CACNA1C: variants seen among roughly 807,000 people sequenced by gnomAD.
CACNA1C encodes calcium voltage-gated channel subunit alpha1 C, also known as voltage-dependent L-type calcium channel subunit alpha-1C.
In CACNA1C, 30 loss-of-function variants were observed where a neutral mutation model predicts 229.0. That is an observed-to-expected ratio of 0.13 (90% CI 0.10 to 0.18). The LOEUF (loss-of-function observed/expected upper bound fraction) is 0.18. CACNA1C is among the 10% of genes least tolerant of loss of function. The probability of loss-of-function intolerance (pLI) is 1.00; values close to 1 mark genes in which losing one functional copy is unlikely to be tolerated. For synonymous variants in CACNA1C, 1,114 were observed against 1,132.5 expected (o/e 0.98, Z 0.33); for missense variants, 1,658 against 2,845.0 (o/e 0.58, Z 9.49).
chr12:2,363,171 C>G (rs1399073517), intron 3 of CACNA1C, among the ~76,000 whole-genome samples: 2 of 152,128 alleles, frequency 1.3e-5, no homozygotes, highest in African/African-American at 4.8e-5. Flanking sequence ...CAGTTGTGCC[C>G]TTTCCCTGGC....
intron 45 of CACNA1C, among the ~76,000 whole-genome samples, chr12:2,688,094 C>A (rs941351566): frequency 4.6e-5 from 7 of 152,184 alleles, no homozygotes; most frequent in Admixed American, 3.9e-4. Flanking sequence ...CAGGCCTCAC[C>A]CTGCTCTCCA....
At chr12:2,337,306 T>G (rs1451359126) in intron 3 of CACNA1C, among the ~76,000 whole-genome samples, 2 of 152,190 alleles carry the variant, frequency 1.3e-5, no homozygotes, top group Admixed American at 6.5e-5. Flanking sequence ...GACCATTGTT[T>G]CTGGCCGTAT....
intron 3 of CACNA1C, among the ~76,000 whole-genome samples, chr12:2,286,005 A>C (rs1665390828): frequency 6.6e-6 from 1 of 152,164 alleles, no homozygotes; most frequent in Non-Finnish European, 1.5e-5. Flanking sequence ...CTCTAACTAA[A>C]AATGAAGGTC....
chr12:1,997,742 G>A (rs141282848), intron 1 of CACNA1C, among the ~76,000 whole-genome samples: 4,160 of 152,236 alleles, frequency 0.027, 94 homozygotes, highest in Middle Eastern at 0.054. Context: ...TCTGAAATTA[G>A]TATTCATCAC....
intron 37 of CACNA1C, 155 bp from the exon 38 acceptor site, chr12:2,668,778 T>C: frequency 1.6e-6 from 1 of 627,680 alleles, no homozygotes; most frequent in Non-Finnish European, 2.9e-6. Context: ...TGCAATCACC[T>C]TCCATCAGGC....
At chr12:2,430,523 C>T (rs1046491616) in intron 3 of CACNA1C, among the ~76,000 whole-genome samples, 1 of 152,128 alleles carries the variant, frequency 6.6e-6, no homozygotes, top group Admixed American at 6.5e-5. Flanking sequence ...CTCACACTTG[C>T]CTTGAGTTTG....
intron 3 of CACNA1C, among the ~76,000 whole-genome samples, chr12:2,281,412 T>A (rs532339659): frequency 1.2e-3 from 176 of 152,358 alleles, no homozygotes; most frequent in African/African-American, 4.1e-3. Flanking sequence ...TATCTCATAT[T>A]ATTTTCCTTC....
rs564324902 is a variant in CACNA1C, at chr12:2,271,441, G to A, written c.477+151011G>A. On this transcript the variant is annotated intron_variant, in intron 3 of 46. Coordinates refer to ENST00000399655, the MANE Select transcript of CACNA1C (RefSeq NM_000719.7). ...TTCTGAGTACCTCCAAAGGCTGTTC[G>A]CTCTTTCCATTCCAGCTCAGACTGC... 7.2e-5 allele frequency among the ~76,000 whole-genome samples: 11 copies of A among 152,312 alleles called. No individual in the cohort carries two copies. The South Asian group carries it at 1.5e-3, about 20-fold the overall frequency.
At chr12:2,213,400 G>T (rs546335748) in intron 3 of CACNA1C, among the ~76,000 whole-genome samples, 31 of 152,224 alleles carry the variant, frequency 2.0e-4, no homozygotes, top group African/African-American at 7.5e-4. Context: ...TTCCCCTTCT[G>T]TGCAGGGCCC....
chr12:2,461,269 G>T (rs1006649288), intron 5 of CACNA1C, among the ~76,000 whole-genome samples: 1 of 152,206 alleles, frequency 6.6e-6, no homozygotes, highest in Non-Finnish European at 1.5e-5. Context: ...GGATACAGCT[G>T]ATCGCTCCTT....
chr12:2,106,823 C>T (rs181496691), intron 1 of CACNA1C, among the ~76,000 whole-genome samples: 46 of 106,800 alleles, frequency 4.3e-4, no homozygotes, highest in Non-Finnish European at 6.1e-4. Context: ...GGGTTTCCAC[C>T]TCAGCTGGGC....
Position 2,679,356 on chromosome 12 carries a change from CACTT to C in CACNA1C, c.5092-87_5092-84del. 9.9e-7 allele frequency: 1 copy of C among 1,008,388 alleles called. No individual in the cohort carries two copies. The highest frequency in any genetic ancestry group is 1.4e-6 in the Non-Finnish European group (1 of 704,026). 62.5% of individuals were successfully genotyped at this position (1,008,388 alleles called of 1,614,324 possible). ...AGGCAGCCCGCCTTCCCAGGCCCTG[CACTT>C]CCCTGACCTGGCTGTGGAGGCTGCT... On this transcript the variant is annotated intron_variant, in intron 41 of 46. Coordinates refer to ENST00000399655, the MANE Select transcript of CACNA1C (RefSeq NM_000719.7). The surrounding 1 kb of genome is among the most constrained non-coding windows in gnomAD (Gnocchi z 5.5).
chr12:2,369,604 A>G (rs924468197), intron 3 of CACNA1C, among the ~76,000 whole-genome samples: 6 of 152,050 alleles, frequency 3.9e-5, no homozygotes, highest in East Asian at 1.9e-4. Flanking sequence ...GGGTTTCACC[A>G]TGTTGGCCAG....
chr12:2,422,060 C>A (rs1174247806), intron 3 of CACNA1C, among the ~76,000 whole-genome samples: 1 of 152,146 alleles, frequency 6.6e-6, no homozygotes, highest in Non-Finnish European at 1.5e-5. Flanking sequence ...TTCAATTTTG[C>A]AATCTAGAAA....
At chr12:2,663,116 A>G (rs2095851060) in intron 34 of CACNA1C, among the ~76,000 whole-genome samples, 1 of 152,238 alleles carries the variant, frequency 6.6e-6, no homozygotes. Flanking sequence ...AACATAGAGG[A>G]AAAAACTATA....
intron 3 of CACNA1C, among the ~76,000 whole-genome samples, chr12:2,435,194 T>C (rs1416791891): frequency 6.6e-6 from 1 of 152,180 alleles, no homozygotes; most frequent in Admixed American, 6.5e-5. Context: ...AGGACCCCAT[T>C]GTGCAGCTCC....
intron 3 of CACNA1C, among the ~76,000 whole-genome samples, chr12:2,328,309 G>T (rs2096411087): frequency 6.6e-6 from 1 of 152,220 alleles, no homozygotes; most frequent in African/African-American, 2.4e-5. Flanking sequence ...CTTCTGCCCA[G>T]TGAGGCTTTG....
intron 7 of CACNA1C, among the ~76,000 whole-genome samples, chr12:2,494,480 A>G (rs1032986696): frequency 6.6e-6 from 1 of 152,208 alleles, no homozygotes; most frequent in African/African-American, 2.4e-5. Context: ...TAAAAATACC[A>G]TCTCCTTCAG....
chr12:2,695,810 T>G lies in CACNA1C; in HGVS notation c.*4611T>G, dbSNP rs10466907. 0.18 allele frequency: 27,091 copies of G among 152,148 alleles called. 5,196 individuals carry two copies. The highest frequency in any genetic ancestry group is 0.48 in the African/African-American group (19,804 of 41,432). 9.4% of individuals were successfully genotyped at this position (152,148 alleles called of 1,614,324 possible). ...TATTCTTATGTCAAAGCAATGAAAC[T>G]TTTCTTTCTGGAGCCAGATACCAAT... On this transcript the variant is annotated 3_prime_UTR_variant, in exon 47 of 47. Transcript: ENST00000399655.
Sources: allele counts gnomAD v4.1 joint callset (sites outside exome capture counted in the v4.1 genomes callset), GRCh38; gene constraint gnomAD v4.1.1; non-coding constraint Gnocchi (gnomAD v3.1); transcripts MANE v1.5; gene names NCBI Gene and HGNC (gene_info 2026-07-23, HGNC 2026-07-21).